The following MTSS1 variants were observed in gnomAD, a reference collection of about 807,000 sequenced individuals.
MTSS1 encodes protein MTSS 1.
MTSS1 carries 18 observed loss-of-function variants against 79.0 expected under a neutral mutation model. The observed-to-expected ratio is 0.23, with a 90% CI of 0.16 to 0.34. The LOEUF is 0.34. Ranked by LOEUF, MTSS1 falls within the 10% of genes least tolerant of loss-of-function variation. The pLI is 1.00. For missense variants in MTSS1, 815 were observed against 986.2 expected, an observed-to-expected ratio of 0.83 and a Z score of 2.33; for synonymous variants, 341 against 368.6, an observed-to-expected ratio of 0.93 and a Z score of 0.86.
Position 124,664,778 on chromosome 8 carries a change from G to A in MTSS1, c.208+34748C>T, listed in dbSNP as rs138016905. Among the ~76,000 whole-genome samples, 595 of 152,128 alleles carry A rather than the reference G, an allele frequency of 3.9e-3. 1 individual carries two copies. Among genetic ancestry groups the A allele is most frequent in the African/African-American group, 0.012 (509 of 41,508 alleles). ...TTCCTTCTACACAAACACTACCACC[G>A]TCACCACCACCATCCTCATCATCAA... is the stretch of plus-strand genomic sequence containing the variant. On this transcript the variant is annotated intron_variant, in intron 3 of 13. Coordinates refer to ENST00000518547, the MANE Select transcript of MTSS1 (RefSeq NM_014751.6).
intron 3 of MTSS1, among the ~76,000 whole-genome samples, chr8:124,694,263 G>A (rs919019911): frequency 1.3e-5 from 2 of 151,998 alleles, no homozygotes; most frequent in Middle Eastern, 3.4e-3. Context: ...GGCCCATCCC[G>A]GCCACTGTGC....
intron 1 of MTSS1, among the ~76,000 whole-genome samples, chr8:124,724,652 A>G (rs994042548): frequency 6.6e-6 from 1 of 152,308 alleles, no homozygotes; most frequent in South Asian, 2.1e-4. Flanking sequence ...GCTGTCCTCA[A>G]TTTTGGCCAG....
chr8:124,651,619 C>T (rs980408668), intron 3 of MTSS1, among the ~76,000 whole-genome samples: 1 of 152,152 alleles, frequency 6.6e-6, no homozygotes, highest in Non-Finnish European at 1.5e-5. Flanking sequence ...TATGTGAAAG[C>T]ATTTGCAAGA....
At chr8:124,670,448 G>GCCTGGCGGCACCCCACACAC (rs1563969015) in intron 3 of MTSS1, among the ~76,000 whole-genome samples, 8 of 151,956 alleles carry the variant, frequency 5.3e-5, no homozygotes. Flanking sequence ...ACCCCACACA[G>GCCTGGCGGCACCCCACACAC]CCTGGCAGGT....
intron 3 of MTSS1, among the ~76,000 whole-genome samples, chr8:124,633,371 T>C (rs1816375080): frequency 6.6e-6 from 1 of 152,216 alleles, no homozygotes; most frequent in South Asian, 2.1e-4. Flanking sequence ...CAAACTCTCC[T>C]GATCACATAT....
chr8:124,552,808 CAAGATT>C lies in MTSS1; in HGVS notation c.*178_*183del, dbSNP rs548337969. On this transcript the variant is annotated 3_prime_UTR_variant, in exon 14 of 14. Coordinates refer to ENST00000518547, the MANE Select transcript of MTSS1 (RefSeq NM_014751.6). ...TGTCAATATTTACAAATTAAAAGATCAAGATTATGTCAGTTACATAGGTTGGTTTTA... is the reference window on the plus strand; with the variant it reads ...TGTCAATATTTACAAATTAAAAGATCATGTCAGTTACATAGGTTGGTTTTA... The C allele has an allele frequency of 1.8e-3, 944 of 520,612 alleles. 8 individuals are homozygous for C. The highest frequency in any genetic ancestry group is 0.015 in the African/African-American group (774 of 53,130). 32.2% of individuals were successfully genotyped at this position (520,612 alleles called of 1,614,324 possible). A position where few individuals can be genotyped will look rare whatever the true frequency, so the allele number is the denominator to read the frequency against.
chr8:124,573,889 C>G (rs1054038294), intron 6 of MTSS1, among the ~76,000 whole-genome samples: 10 of 152,318 alleles, frequency 6.6e-5, no homozygotes, highest in Admixed American at 5.2e-4. Flanking sequence ...CCTTATCCCC[C>G]CACCCCAGGG....
intron 3 of MTSS1, among the ~76,000 whole-genome samples, chr8:124,675,706 A>G (rs2134793812): frequency 6.6e-6 from 1 of 152,212 alleles, no homozygotes. Flanking sequence ...TCCTATCTCT[A>G]TGGATTTACC....
At chr8:124,630,540 T>A (rs1207230620) in intron 3 of MTSS1, among the ~76,000 whole-genome samples, 3 of 152,214 alleles carry the variant, frequency 2.0e-5, no homozygotes, top group Non-Finnish European at 4.4e-5. Flanking sequence ...CCCACATTTT[T>A]AACAAGGCTC....
chr8:124,705,405 A>G (rs547020624), intron 1 of MTSS1, among the ~76,000 whole-genome samples: 26 of 152,284 alleles, frequency 1.7e-4, no homozygotes, highest in Admixed American at 1.6e-3. Flanking sequence ...TGGGAGATGG[A>G]GGTTACGGTG....
At chr8:124,589,330 C>T (rs1321183702) in intron 5 of MTSS1, among the ~76,000 whole-genome samples, 1 of 152,208 alleles carries the variant, frequency 6.6e-6, no homozygotes, top group African/African-American at 2.4e-5. Context: ...CGCGCCCACC[C>T]TGTGATTTAT....
chr8:124,718,878 G>A (rs991637224), intron 1 of MTSS1, among the ~76,000 whole-genome samples: 43 of 152,144 alleles, frequency 2.8e-4, no homozygotes, highest in Admixed American at 2.6e-4. Context: ...GCACTGGCCT[G>A]GCCCAACAAC....
intron 3 of MTSS1, among the ~76,000 whole-genome samples, chr8:124,659,243 G>A (rs1028055447): frequency 1.3e-5 from 2 of 152,048 alleles, no homozygotes; most frequent in African/African-American, 4.8e-5. Flanking sequence ...AGAATGAGGG[G>A]ACTTTAAATA....
intron 3 of MTSS1, among the ~76,000 whole-genome samples, chr8:124,672,862 CACACACACACATGCAT>C (rs1298561999): frequency 1.4e-4 from 21 of 148,312 alleles, no homozygotes; most frequent in African/African-American, 5.4e-4. Flanking sequence ...CACACATATG[CACACACACACATGCAT>C]ACACACACAC....
intron 3 of MTSS1, among the ~76,000 whole-genome samples, chr8:124,602,151 TAA>T (rs551305350): frequency 3.8e-5 from 4 of 105,636 alleles, no homozygotes; most frequent in Admixed American, 8.9e-5. Flanking sequence ...CAACAGCTAC[TAA>T]AAAAAAAAAA....
rs144997414 is a variant in MTSS1 at position 124,715,538 on chromosome 8, A to G, written c.73-11347T>C. On this transcript the variant is annotated intron_variant, in intron 1 of 13. Transcript: ENST00000518547. ...TGCTCTGCCATCTTCCACGAAGCAG[A>G]TTTCCCCTTTGGAACGGAGACAGAT... Among the ~76,000 whole-genome samples the G allele has an allele frequency of 1.5e-4, 23 of 152,110 alleles. No individual in the cohort carries two copies. In the East Asian group the frequency reaches 4.1e-3, roughly 27 times the overall value.
intron 3 of MTSS1, among the ~76,000 whole-genome samples, chr8:124,685,220 G>A (rs2135079387): frequency 6.6e-6 from 1 of 152,256 alleles, no homozygotes; most frequent in Admixed American, 6.5e-5. Context: ...AAAATGTTTT[G>A]GAATTAGATG....
chr8:124,564,722 C>T (rs13255599), intron 9 of MTSS1: 46,569 of 150,364 alleles, frequency 0.31, 8,678 homozygotes, highest in Non-Finnish European at 0.42. Flanking sequence ...CACACACAGT[C>T]GACAGAAGAT....
intron 3 of MTSS1, among the ~76,000 whole-genome samples, chr8:124,617,355 G>T (rs112324884): frequency 3.8e-4 from 58 of 152,224 alleles, no homozygotes; most frequent in African/African-American, 1.3e-3. Flanking sequence ...CATTCAGACC[G>T]CGAGCAGACG....
Sources: gnomAD v4.1 joint callset for allele counts (sites outside exome capture counted in the v4.1 genomes callset) on GRCh38, gnomAD v4.1.1 for gene constraint, MANE v1.5 for transcripts, NCBI Gene and HGNC (gene_info 2026-07-23, HGNC 2026-07-21) for gene names.